The following MAP3K15 variants were observed in gnomAD, a reference collection of about 807,000 sequenced individuals.
MAP3K15 encodes MAPK/ERK kinase kinase 15.
MAP3K15 carries 124 observed loss-of-function variants against 99.5 expected under a neutral mutation model. The observed-to-expected ratio is 1.25, with a 90% CI of 1.08 to 1.45. The LOEUF (loss-of-function observed/expected upper bound fraction) is 1.45. MAP3K15 is among the 40% of genes most tolerant of loss of function. The probability of loss-of-function intolerance (pLI) is 0.00; values close to 1 mark genes in which losing one functional copy is unlikely to be tolerated. For synonymous variants in MAP3K15, 494 were observed against 439.6 expected (o/e 1.12, Z -1.55); for missense variants, 1,242 against 1,079.7 (o/e 1.15, Z -2.11).
chrX:19,391,500 A>T (rs1042411027), intron 18 of MAP3K15, among the ~76,000 whole-genome samples: 3 of 107,993 alleles, frequency 2.8e-5, no homozygotes, highest in African/African-American at 1.0e-4. Context: ...CAACATGGTG[A>T]AACCTCGTCT....
chrX:19,501,661 G>A (rs1279330490), intron 1 of MAP3K15, among the ~76,000 whole-genome samples: 1 of 112,206 alleles, frequency 8.9e-6, no homozygotes, highest in Non-Finnish European at 1.9e-5. Flanking sequence ...TTTTTAACAG[G>A]AGCTGGGTAG....
In MAP3K15 at chrX:19,400,626, C is replaced by T. The variant is rs139773428; in HGVS notation, c.1882G>A (p.Ala628Thr). 7.7e-5 allele frequency: 93 copies of T among 1,206,379 alleles called. No homozygotes were observed. In the African/African-American group the frequency reaches 1.4e-3, roughly 18 times the overall value. Reference sequence around the variant, plus strand: ...CCCTCCAGCTCCACCGTACTGCCTGCTGTATTGGTTATCATCTCTTTGACC... The same window carrying T: ...CCCTCCAGCTCCACCGTACTGCCTGTTGTATTGGTTATCATCTCTTTGACC... ...SLVKEMITNTAGSTVELEGET... is the reference protein window; with the variant it reads ...SLVKEMITNTTGSTVELEGET... The change falls in exon 14 of 29, where the codon GCA (alanine) becomes ACA (threonine). Residue 628 changes from alanine to threonine, a missense_variant. Coordinates refer to ENST00000338883, the MANE Select transcript of MAP3K15 (RefSeq NM_001001671.4).
chrX:19,449,281 A>T, intron 6 of MAP3K15, among the ~76,000 whole-genome samples: 1 of 110,226 alleles, frequency 9.1e-6, no homozygotes. Context: ...CCGTGCAGTC[A>T]TTTGCATATG....
intron 1 of MAP3K15, among the ~76,000 whole-genome samples, chrX:19,491,515 C>A (rs1169054545): frequency 9.2e-6 from 1 of 109,013 alleles, no homozygotes; most frequent in Non-Finnish European, 1.9e-5. Flanking sequence ...AAGGAAAGAG[C>A]GGTGCATTAA....
intron 7 of MAP3K15, among the ~76,000 whole-genome samples, chrX:19,426,581 G>A (rs1484251145): frequency 9.1e-6 from 1 of 110,331 alleles, no homozygotes; most frequent in East Asian, 2.8e-4. Context: ...TTGGGAGGCC[G>A]AGGCACGTGG....
intron 3 of MAP3K15, among the ~76,000 whole-genome samples, chrX:19,474,832 A>C (rs1419336454): frequency 9.0e-6 from 1 of 111,363 alleles, no homozygotes; most frequent in Non-Finnish European, 1.9e-5. Context: ...TTAGTAAAGA[A>C]GCACATAATT....
At chrX:19,458,260 A>G (rs2064107984) in intron 5 of MAP3K15, among the ~76,000 whole-genome samples, 1 of 112,533 alleles carries the variant, frequency 8.9e-6, no homozygotes, top group Admixed American at 9.4e-5. Flanking sequence ...AAGAAGGGAT[A>G]CATGAAGGGA....
At chrX:19,406,681 T>C (rs1334885224) in intron 13 of MAP3K15, among the ~76,000 whole-genome samples, 1 of 112,727 alleles carries the variant, frequency 8.9e-6, no homozygotes, top group Non-Finnish European at 1.9e-5. Flanking sequence ...ACTATGACTA[T>C]ACTAAAAAAT....
Position 19,372,828 on chromosome X carries a change from CTG to C in MAP3K15, c.2934-3_2934-2del, listed in dbSNP as rs1276399546. On this transcript the variant is annotated splice_acceptor_variant and splice_polypyrimidine_tract_variant and intron_variant, in intron 21 of 28. Coordinates refer to ENST00000338883, the MANE Select transcript of MAP3K15 (RefSeq NM_001001671.4). LOFTEE classifies it high-confidence loss of function. ...CAAGGCTGAGCTCTCGTCTGGAACA[CTG>C]TGGACAAACACGTGTGACAATCTCT... 6 of 1,205,250 alleles carry C rather than the reference CTG, an allele frequency of 5.0e-6. No individual in the cohort carries two copies. Among genetic ancestry groups the C allele is most frequent in the Non-Finnish European group, 6.7e-6 (6 of 891,710 alleles).
intron 19 of MAP3K15, among the ~76,000 whole-genome samples, chrX:19,378,615 G>A (rs979368075): frequency 1.2e-4 from 13 of 111,384 alleles, no homozygotes; most frequent in South Asian, 3.8e-4. Context: ...CCCACAACAC[G>A]TGGGGATTAT....
chrX:19,392,649 G>T (rs1293047910), intron 16 of MAP3K15, among the ~76,000 whole-genome samples, 176 bp from the exon 17 acceptor site: 1 of 111,845 alleles, frequency 8.9e-6, no homozygotes, highest in East Asian at 2.8e-4. Context: ...GGAATGGACT[G>T]GAAGCAATTG....
Position 19,446,702 on chromosome X carries a change from G to T in MAP3K15, c.995+10211C>A, listed in dbSNP as rs191748222. 3.7e-3 allele frequency among the ~76,000 whole-genome samples: 406 copies of T among 110,433 alleles called. 1 individual carries two copies. Among genetic ancestry groups the T allele is most frequent in the African/African-American group, 0.013 (389 of 30,370 alleles). On this transcript the variant is annotated intron_variant, in intron 6 of 28. Coordinates refer to ENST00000338883, the MANE Select transcript of MAP3K15 (RefSeq NM_001001671.4). ...AGGCTAAACTGGACTGTTCACTGTA[G>T]TCAGAGCCCATCTTAACCTCCGGTC...
At chrX:19,373,725 G>A (rs1402013128) in intron 20 of MAP3K15, 30 bp from the exon 21 acceptor site, 1 of 1,187,889 alleles carries the variant, frequency 8.4e-7, no homozygotes, top group East Asian at 3.0e-5. Flanking sequence ...CACCGAATGG[G>A]GAGACTCAGA....
chrX:19,494,878 TAA>T (rs760808925), intron 1 of MAP3K15, among the ~76,000 whole-genome samples: 1 of 92,435 alleles, frequency 1.1e-5, no homozygotes, highest in Non-Finnish European at 2.2e-5. Context: ...AAGCTACCTT[TAA>T]AAAAAAAAAA....
intron 22 of MAP3K15, 152 bp from the exon 23 acceptor site, chrX:19,371,682 TGTCAGG>T (rs1048320208): frequency 2.8e-5 from 14 of 493,314 alleles, no homozygotes; most frequent in African/African-American, 2.4e-4. Flanking sequence ...ATAACCTTCC[TGTCAGG>T]GTCCTGGCCC....
chrX:19,483,501 T>G (rs2064304768), intron 3 of MAP3K15, among the ~76,000 whole-genome samples: 1 of 111,585 alleles, frequency 9.0e-6, no homozygotes, highest in African/African-American at 3.3e-5. Flanking sequence ...CCTGGCTACA[T>G]GTTCAGGGTG....
chrX:19,430,394 C>G (rs1015534001), intron 7 of MAP3K15, among the ~76,000 whole-genome samples: 2 of 111,567 alleles, frequency 1.8e-5, no homozygotes, highest in Non-Finnish European at 3.8e-5. Flanking sequence ...ATCTTCCAGC[C>G]ACACCTGACC....
chrX:19,416,822 T>C (rs1030831286), intron 9 of MAP3K15, among the ~76,000 whole-genome samples: 12 of 112,267 alleles, frequency 1.1e-4, no homozygotes, highest in African/African-American at 3.9e-4. Flanking sequence ...GTTAAGTTTT[T>C]GGTGAATTTT....
chrX:19,361,618 A>G (rs1463513229), intron 26 of MAP3K15, 25 bp from the exon 27 acceptor site: 1 of 1,050,054 alleles, frequency 9.5e-7, no homozygotes, highest in Admixed American at 2.4e-5. Flanking sequence ...AATTTGTTAT[A>G]TATTAGTCTA....
Sources: gnomAD v4.1 joint callset for allele counts (sites outside exome capture counted in the v4.1 genomes callset) on GRCh38, gnomAD v4.1.1 for gene constraint, MANE v1.5 for transcripts, NCBI Gene and HGNC (gene_info 2026-07-23, HGNC 2026-07-21) for gene names.